The following CAMK2D variants were observed in gnomAD, a reference collection of about 807,000 sequenced individuals.
CAMK2D encodes the protein calcium/calmodulin dependent protein kinase II delta.
In CAMK2D, 37 loss-of-function variants were observed where a neutral mutation model predicts 84.0. That is an observed-to-expected ratio of 0.44 (90% confidence interval 0.34 to 0.58). CAMK2D has a LOEUF of 0.58. Ranked by LOEUF, CAMK2D falls within the 20% of genes least tolerant of loss-of-function variation. The probability of loss-of-function intolerance (pLI) is 0.02; values close to 1 mark genes in which losing one functional copy is unlikely to be tolerated. For synonymous variants in CAMK2D, 202 were observed against 212.5 expected (o/e 0.95, Z 0.43); for missense variants, 448 against 652.5 (o/e 0.69, Z 3.41).
chr4:113,584,387 G>A (rs781403357), intron 4 of CAMK2D, among the ~76,000 whole-genome samples: 3 of 152,194 alleles, frequency 2.0e-5, no homozygotes, highest in Non-Finnish European at 4.4e-5. Flanking sequence ...AGCTGGAGAT[G>A]TTCCTGAGCT....
At position 113,589,729 on chromosome 4, in the gene CAMK2D, G is replaced by A. The variant is rs577201209; in HGVS notation, c.275+19423C>T. Among the ~76,000 whole-genome samples the A allele has an allele frequency of 4.6e-5, 7 of 152,246 alleles. No homozygotes were observed. In the South Asian group the frequency reaches 1.0e-3, roughly 23 times the overall value. Reference sequence around the variant, plus strand: ...AGATAGTGAGTAGGCAACAGAATGCGCAAGTCTGGAGTTTGGGTAGAGGTC... The same window carrying A: ...AGATAGTGAGTAGGCAACAGAATGCACAAGTCTGGAGTTTGGGTAGAGGTC... On this transcript the variant is annotated intron_variant, in intron 4 of 20. Coordinates refer to ENST00000511664, the MANE Select transcript of CAMK2D (RefSeq NM_001321571.2).
intron 3 of CAMK2D, among the ~76,000 whole-genome samples, chr4:113,645,819 T>G (rs777984416): frequency 6.6e-6 from 1 of 152,162 alleles, no homozygotes; most frequent in Non-Finnish European, 1.5e-5. Flanking sequence ...TTTAGGTGTC[T>G]GCCACATAAA....
At chr4:113,649,651 T>C (rs2099165148) in intron 3 of CAMK2D, among the ~76,000 whole-genome samples, 1 of 152,244 alleles carries the variant, frequency 6.6e-6, no homozygotes, top group Admixed American at 6.5e-5. Context: ...TTCAGTTGCA[T>C]ACATAATTAT....
intron 16 of CAMK2D, among the ~76,000 whole-genome samples, chr4:113,497,692 T>A (rs1457476842): frequency 1.3e-5 from 2 of 152,180 alleles, no homozygotes; most frequent in African/African-American, 4.8e-5. Context: ...ACAGAAGCTG[T>A]CCCTGCCAGG....
intron 13 of CAMK2D, among the ~76,000 whole-genome samples, chr4:113,508,836 T>C (rs996860805): frequency 6.6e-6 from 1 of 152,196 alleles, no homozygotes; most frequent in African/African-American, 2.4e-5. Context: ...AGAAAATTAA[T>C]TAATTCCCAA....
intron 18 of CAMK2D, 116 bp downstream of exon 18, chr4:113,460,031 A>C: frequency 1.4e-6 from 1 of 700,812 alleles, no homozygotes; most frequent in South Asian, 1.6e-5. Flanking sequence ...GTATGGTTTC[A>C]AATGCTGGAT....
chr4:113,522,645 C>A (rs1352840769), intron 8 of CAMK2D, among the ~76,000 whole-genome samples: 2 of 152,112 alleles, frequency 1.3e-5, no homozygotes, highest in Non-Finnish European at 2.9e-5. Flanking sequence ...GGGTGGTCAC[C>A]AGGGCGGCAG....
At chr4:113,480,705 G>A (rs970195993) in intron 16 of CAMK2D, among the ~76,000 whole-genome samples, 3 of 152,174 alleles carry the variant, frequency 2.0e-5, no homozygotes, top group African/African-American at 2.4e-5. Context: ...GCTCTGCACG[G>A]TGGCGGGTGC....
chr4:113,543,629 C>A (rs987704507), intron 6 of CAMK2D, among the ~76,000 whole-genome samples: 1 of 151,932 alleles, frequency 6.6e-6, no homozygotes, highest in Non-Finnish European at 1.5e-5. Context: ...TAAAATGATG[C>A]CTTCGTGGTT....
chr4:113,575,684 T>C (rs1299352881), intron 4 of CAMK2D, among the ~76,000 whole-genome samples: 1 of 152,186 alleles, frequency 6.6e-6, no homozygotes, highest in African/African-American at 2.4e-5. Flanking sequence ...AATCAGTGTA[T>C]CTATGTCTTT....
At chr4:113,657,208 G>T (rs879617346) in intron 3 of CAMK2D, among the ~76,000 whole-genome samples, 4 of 152,086 alleles carry the variant, frequency 2.6e-5, no homozygotes, top group African/African-American at 4.8e-5. Flanking sequence ...GCTTTAACTG[G>T]TGTCTGGCTC....
chr4:113,599,078 C>A (rs1409245585), intron 4 of CAMK2D, among the ~76,000 whole-genome samples: 32 of 152,188 alleles, frequency 2.1e-4, no homozygotes, highest in Non-Finnish European at 2.9e-5. Context: ...CATTGTATGT[C>A]ATTAGGAAAT....
intron 2 of CAMK2D, among the ~76,000 whole-genome samples, chr4:113,702,410 A>G (rs753213240): frequency 6.6e-6 from 1 of 152,198 alleles, no homozygotes; most frequent in Non-Finnish European, 1.5e-5. Flanking sequence ...TAAAAACAAG[A>G]CAGATATGGC....
At chr4:113,668,468 C>CA (rs2099266188) in intron 2 of CAMK2D, among the ~76,000 whole-genome samples, 1 of 152,004 alleles carries the variant, frequency 6.6e-6, no homozygotes, top group Non-Finnish European at 1.5e-5. Context: ...AAGAGGTCCT[C>CA]AAAAAATTAT....
chr4:113,558,629 G>A (rs1206469597), intron 4 of CAMK2D, among the ~76,000 whole-genome samples: 2 of 152,184 alleles, frequency 1.3e-5, no homozygotes, highest in African/African-American at 4.8e-5. Flanking sequence ...TCTGTGGATA[G>A]TGAGGAACAA....
At chr4:113,495,111 C>T (rs1376110297) in intron 16 of CAMK2D, among the ~76,000 whole-genome samples, 1 of 152,202 alleles carries the variant, frequency 6.6e-6, no homozygotes, top group Non-Finnish European at 1.5e-5. Flanking sequence ...CTGCGTCGCT[C>T]AAGCTGGGAG....
At chr4:113,497,862 T>G (rs932785285) in intron 16 of CAMK2D, among the ~76,000 whole-genome samples, 3 of 152,234 alleles carry the variant, frequency 2.0e-5, no homozygotes, top group Admixed American at 2.0e-4. Flanking sequence ...GTAGAGCAAG[T>G]GCTCGCATGC....
chr4:113,664,941 T>A (rs868300269), intron 2 of CAMK2D, among the ~76,000 whole-genome samples: 1 of 152,132 alleles, frequency 6.6e-6, no homozygotes. Context: ...GTAGCTGGCA[T>A]TGCAGGCACC....
At chr4:113,700,241 T>A (rs995307704) in intron 2 of CAMK2D, among the ~76,000 whole-genome samples, 4 of 152,212 alleles carry the variant, frequency 2.6e-5, no homozygotes, top group African/African-American at 9.6e-5. Context: ...CTCATAATTG[T>A]ATATTGTCCA....
Sources: allele counts gnomAD v4.1 joint callset (sites outside exome capture counted in the v4.1 genomes callset), GRCh38; gene constraint gnomAD v4.1.1; transcripts MANE v1.5; gene names NCBI Gene and HGNC (gene_info 2026-07-23, HGNC 2026-07-21).